The following CTNNA1 variants were observed in gnomAD, a reference collection of about 807,000 sequenced individuals.
The protein encoded by CTNNA1 is catenin alpha-1.
In CTNNA1, 37 loss-of-function variants were observed where a neutral mutation model predicts 98.4. The ratio of observed to expected loss-of-function variants is 0.38; its 90% CI spans 0.29 to 0.49. The LOEUF (loss-of-function observed/expected upper bound fraction) is 0.49. Ranked by LOEUF, CTNNA1 falls within the 20% of genes least tolerant of loss-of-function variation. The pLI is 0.95. For missense variants in CTNNA1, 761 were observed against 1,147.2 expected (o/e 0.66, Z 4.86); for synonymous variants, 404 against 413.2 (o/e 0.98, Z 0.27).
chr5:138,778,571 G>T (rs1416801769), intron 1 of CTNNA1, among the ~76,000 whole-genome samples: 1 of 152,086 alleles, frequency 6.6e-6, no homozygotes, highest in Admixed American at 6.6e-5. Flanking sequence ...TAAATAATCT[G>T]TTGGGAGTTA....
chr5:138,892,170 G>A (rs1755520607), intron 9 of CTNNA1, among the ~76,000 whole-genome samples: 1 of 151,994 alleles, frequency 6.6e-6, no homozygotes, highest in Non-Finnish European at 1.5e-5. Flanking sequence ...GACTTCCTGA[G>A]GCTGTGTTAC....
chr5:138,928,997 A>G (rs886799125), intron 13 of CTNNA1, among the ~76,000 whole-genome samples: 5 of 152,184 alleles, frequency 3.3e-5, no homozygotes, highest in African/African-American at 1.2e-4. Flanking sequence ...AGTGATAGCA[A>G]TTGAGCCCCA....
intron 1 of CTNNA1, among the ~76,000 whole-genome samples, chr5:138,774,780 C>T (rs1048362768): frequency 6.6e-6 from 1 of 152,220 alleles, no homozygotes; most frequent in Admixed American, 6.5e-5. Context: ...CACCACCGCA[C>T]CCAGCTAATT....
At chr5:138,927,769 A>G (rs1764450383) in intron 13 of CTNNA1, among the ~76,000 whole-genome samples, 1 of 152,066 alleles carries the variant, frequency 6.6e-6, no homozygotes, top group Non-Finnish European at 1.5e-5. Context: ...TTTCTTGGCA[A>G]GAACGGTTCT....
At chr5:138,810,892 C>T (rs1323418736) in intron 4 of CTNNA1, among the ~76,000 whole-genome samples, 9 of 151,338 alleles carry the variant, frequency 5.9e-5, no homozygotes, top group African/African-American at 9.7e-5. Flanking sequence ...CCTCACCTCC[C>T]GCACGGGGCG....
At chr5:138,844,662 G>T (rs1490187007) in intron 7 of CTNNA1, among the ~76,000 whole-genome samples, 1 of 152,092 alleles carries the variant, frequency 6.6e-6, no homozygotes, top group Non-Finnish European at 1.5e-5. Flanking sequence ...TTTTTTAGGG[G>T]ACGAAAGTAA....
chr5:138,819,443 C>G (rs1263559728), intron 5 of CTNNA1, among the ~76,000 whole-genome samples: 1 of 152,212 alleles, frequency 6.6e-6, no homozygotes, highest in Non-Finnish European at 1.5e-5. Flanking sequence ...GCGAATGTCT[C>G]TGCTCAGCCA....
At chr5:138,882,878 G>A (rs1450465423) in intron 7 of CTNNA1, among the ~76,000 whole-genome samples, 1 of 152,178 alleles carries the variant, frequency 6.6e-6, no homozygotes, top group African/African-American at 2.4e-5. Flanking sequence ...ACCCAGGCTG[G>A]AGTGCAATGG....
chr5:138,813,949 T>G (rs1449832299), intron 5 of CTNNA1, among the ~76,000 whole-genome samples: 2 of 152,172 alleles, frequency 1.3e-5, no homozygotes, highest in Non-Finnish European at 2.9e-5. Flanking sequence ...TATGACAGCT[T>G]CTTTTCTGGG....
chr5:138,927,655 TTGTC>T (rs1427888812), intron 13 of CTNNA1, among the ~76,000 whole-genome samples: 1 of 152,194 alleles, frequency 6.6e-6, no homozygotes, highest in South Asian at 2.1e-4. Flanking sequence ...AGAGGAATTT[TTGTC>T]TGTTTGTCAC....
rs148239804 is a variant in CTNNA1, at chr5:138,824,736, C to A, written c.795C>A (p.Asp265Glu). ...ISNAAQATAS[D>E]DASQHQGGGG... The stretch of plus-strand genomic sequence containing the variant: ...ATGCAGCCCAGGCCACTGCCTCAGA[C>A]GATGCCTCACAGCACCAGGGTGGAG... The change falls in exon 6 of 18, where the codon GAC (aspartate) becomes GAA (glutamate). Residue 265 changes from aspartate to glutamate, a missense_variant. Asp to Glu is a conservative substitution (Grantham distance 45). Transcript: ENST00000302763. The A allele has an allele frequency of 6.2e-7, 1 of 1,614,180 alleles. No individual in the cohort carries two copies. The highest frequency in any genetic ancestry group is 2.2e-5 in the East Asian group (1 of 44,878).
chr5:138,776,893 C>T (rs1210204975), intron 1 of CTNNA1, among the ~76,000 whole-genome samples: 13 of 128,460 alleles, frequency 1.0e-4, no homozygotes, highest in African/African-American at 3.6e-4. Context: ...GCTGGCCGGG[C>T]AGGGGGCTGA....
At chr5:138,815,853 CA>C (rs1315221985) in intron 5 of CTNNA1, among the ~76,000 whole-genome samples, 1 of 152,178 alleles carries the variant, frequency 6.6e-6, no homozygotes, top group Non-Finnish European at 1.5e-5. Context: ...CCCCCGTTCA[CA>C]AAATGGTCTT....
intron 16 of CTNNA1, 37 bp from the exon 17 acceptor site, chr5:138,932,541 G>T: frequency 6.2e-7 from 1 of 1,611,346 alleles, no homozygotes; most frequent in Non-Finnish European, 8.5e-7. Context: ...CTTGGGCCAG[G>T]CCAGGATACT....
intron 3 of CTNNA1, among the ~76,000 whole-genome samples, chr5:138,809,415 T>A (rs1758440784): frequency 6.6e-6 from 1 of 152,204 alleles, no homozygotes; most frequent in Non-Finnish European, 1.5e-5. Flanking sequence ...TTAACATTTT[T>A]CATATATATA....
chr5:138,890,848 C>G (rs1198828602), intron 9 of CTNNA1, among the ~76,000 whole-genome samples: 1 of 152,186 alleles, frequency 6.6e-6, no homozygotes, highest in East Asian at 1.9e-4. Flanking sequence ...TCTTCCATTA[C>G]TACTGAAATT....
chr5:138,848,079 G>A (rs1762884457), intron 7 of CTNNA1, among the ~76,000 whole-genome samples: 1 of 152,206 alleles, frequency 6.6e-6, no homozygotes, highest in African/African-American at 2.4e-5. Context: ...TTCCAGAGAT[G>A]TTTGAACTAC....
chr5:138,811,146 C>A (rs1473397477), intron 4 of CTNNA1, among the ~76,000 whole-genome samples: 1 of 151,772 alleles, frequency 6.6e-6, no homozygotes, highest in African/African-American at 2.4e-5. Context: ...CGGAGGGGCT[C>A]CTCACTTCTC....
chr5:138,756,481 G>C (rs753454952), intron 1 of CTNNA1, among the ~76,000 whole-genome samples: 1 of 152,122 alleles, frequency 6.6e-6, no homozygotes, highest in African/African-American at 2.4e-5. Flanking sequence ...CTTTGAGAAC[G>C]TAACTCACTG....
Sources: gnomAD v4.1 joint callset for allele counts (sites outside exome capture counted in the v4.1 genomes callset) on GRCh38, gnomAD v4.1.1 for gene constraint, MANE v1.5 for transcripts, NCBI Gene and HGNC (gene_info 2026-07-23, HGNC 2026-07-21) for gene names.